The following KCNB2 variants were observed in gnomAD, a reference collection of about 807,000 sequenced individuals.
KCNB2 encodes the protein potassium voltage-gated channel subfamily B member 2, also known as delayed rectifier potassium channel protein.
In KCNB2, 15 loss-of-function variants were observed where a neutral mutation model predicts 61.5. That is an observed-to-expected ratio of 0.24 (90% CI 0.16 to 0.38). The LOEUF is 0.38. Ranked by LOEUF, KCNB2 falls within the 10% of genes least tolerant of loss-of-function variation. The pLI is 1.00. For missense variants in KCNB2, 828 were observed against 1,125.2 expected (o/e 0.74, Z 3.78); for synonymous variants, 457 against 446.0 (o/e 1.02, Z -0.31).
chr8:72,623,747 A>C (rs940975451), intron 2 of KCNB2, among the ~76,000 whole-genome samples: 2 of 152,204 alleles, frequency 1.3e-5, no homozygotes, highest in African/African-American at 4.8e-5. Flanking sequence ...ATTAATTCTC[A>C]TGACAACCAC....
At chr8:72,719,129 G>A (rs1807502259) in intron 2 of KCNB2, among the ~76,000 whole-genome samples, 1 of 151,870 alleles carries the variant, frequency 6.6e-6, no homozygotes, top group Non-Finnish European at 1.5e-5. Flanking sequence ...TTGCTGGTAA[G>A]TTAGACCTGG....
At chr8:72,687,815 T>C (rs1806875697) in intron 2 of KCNB2, among the ~76,000 whole-genome samples, 1 of 152,216 alleles carries the variant, frequency 6.6e-6, no homozygotes, top group Non-Finnish European at 1.5e-5. Context: ...ATAAGGTGCA[T>C]GATGCCTCCA....
intron 2 of KCNB2, among the ~76,000 whole-genome samples, chr8:72,829,237 C>A (rs2129001710): frequency 6.6e-6 from 1 of 152,284 alleles, no homozygotes; most frequent in Middle Eastern, 3.4e-3. Flanking sequence ...CACTGTCTTA[C>A]AGGACTTATG....
At chr8:72,572,578 C>A (rs1260166383) in intron 2 of KCNB2, among the ~76,000 whole-genome samples, 1 of 151,594 alleles carries the variant, frequency 6.6e-6, no homozygotes, top group Non-Finnish European at 1.5e-5. Flanking sequence ...CTGCGTCTCT[C>A]TCTCTCTCTC....
intron 2 of KCNB2, among the ~76,000 whole-genome samples, chr8:72,856,447 GA>G (rs1165442526): frequency 1.3e-5 from 2 of 151,910 alleles, no homozygotes; most frequent in Non-Finnish European, 1.5e-5. Flanking sequence ...CACAAAAAAA[GA>G]AAAAACCTGA....
At chr8:72,905,505 A>G (rs2129006928) in intron 2 of KCNB2, among the ~76,000 whole-genome samples, 1 of 149,786 alleles carries the variant, frequency 6.7e-6, no homozygotes, top group Non-Finnish European at 1.5e-5. Context: ...GGCATGAGGC[A>G]ATTTTATGAG....
At chr8:72,895,282 C>T (rs953151643) in intron 2 of KCNB2, among the ~76,000 whole-genome samples, 3 of 152,120 alleles carry the variant, frequency 2.0e-5, no homozygotes, top group Non-Finnish European at 2.9e-5. Context: ...AGGTGGGCCC[C>T]AGGTAATCAC....
At chr8:72,798,180 A>G (rs1366147409) in intron 2 of KCNB2, among the ~76,000 whole-genome samples, 1 of 152,008 alleles carries the variant, frequency 6.6e-6, no homozygotes, top group Non-Finnish European at 1.5e-5. Flanking sequence ...AATAGCCCCT[A>G]GTTTGAAAAT....
At chr8:72,911,626 T>C (rs970009185) in intron 2 of KCNB2, among the ~76,000 whole-genome samples, 2 of 152,198 alleles carry the variant, frequency 1.3e-5, no homozygotes, top group Non-Finnish European at 2.9e-5. Flanking sequence ...GCTGTCATGG[T>C]AGTCTCCAAT....
intron 2 of KCNB2, among the ~76,000 whole-genome samples, chr8:72,654,735 C>G (rs1806263710): frequency 6.6e-6 from 1 of 151,836 alleles, no homozygotes; most frequent in Non-Finnish European, 1.5e-5. Flanking sequence ...ACTAGTGAAC[C>G]TGAAAAAAGT....
intron 2 of KCNB2, among the ~76,000 whole-genome samples, chr8:72,821,339 A>G (rs1007082855): frequency 1.3e-5 from 2 of 152,176 alleles, no homozygotes; most frequent in African/African-American, 4.8e-5. Flanking sequence ...CTAACGCATG[A>G]CTAAAGAAGA....
At chr8:72,738,990 A>G (rs1044171451) in intron 2 of KCNB2, among the ~76,000 whole-genome samples, 2 of 152,190 alleles carry the variant, frequency 1.3e-5, no homozygotes, top group Non-Finnish European at 2.9e-5. Flanking sequence ...ACCATTTATT[A>G]GGATTAAAAG....
intron 2 of KCNB2, among the ~76,000 whole-genome samples, chr8:72,597,932 G>A (rs539372699): frequency 1.3e-5 from 2 of 152,256 alleles, no homozygotes; most frequent in South Asian, 4.1e-4. Context: ...ATTCCTCAAA[G>A]ACCTAAGAAC....
chr8:72,861,625 C>T (rs1805415833), intron 2 of KCNB2, among the ~76,000 whole-genome samples: 1 of 152,094 alleles, frequency 6.6e-6, no homozygotes, highest in Non-Finnish European at 1.5e-5. Flanking sequence ...CCTGGTGGGC[C>T]GCTCACCCAG....
intron 2 of KCNB2, among the ~76,000 whole-genome samples, chr8:72,861,046 A>G (rs915054256): frequency 1.3e-5 from 2 of 152,218 alleles, no homozygotes; most frequent in African/African-American, 4.8e-5. Context: ...GCTTAGAAGA[A>G]TCCACACCTT....
chr8:72,887,473 C>T (rs72653537), intron 2 of KCNB2, among the ~76,000 whole-genome samples: 9,535 of 152,210 alleles, frequency 0.063, 350 homozygotes, highest in South Asian at 0.096. Flanking sequence ...TTCAGATAAA[C>T]TCTGTACGAG....
intron 2 of KCNB2, among the ~76,000 whole-genome samples, chr8:72,883,285 G>A (rs763198457): frequency 1.3e-4 from 20 of 152,200 alleles, no homozygotes; most frequent in Non-Finnish European, 2.2e-4. Context: ...ATTTAATAGT[G>A]TGCCAGCCAC....
At position 72,721,829 on chromosome 8, in the gene KCNB2, T is replaced by C. The variant is rs1355075615; in HGVS notation, c.579+153516T>C. 3.9e-5 allele frequency among the ~76,000 whole-genome samples: 6 copies of C among 152,188 alleles called. No homozygotes were observed. The South Asian group carries it at 8.3e-4, about 21-fold the overall frequency. ...CTTCCTCTTTGACATAACTGGGCAA[T>C]AGAAACTTGAACCAATGGTTTCTGT... On this transcript the variant is annotated intron_variant, in intron 2 of 2. Coordinates refer to ENST00000523207, the MANE Select transcript of KCNB2 (RefSeq NM_004770.3).
At chr8:72,589,809 A>G (rs1807064738) in intron 2 of KCNB2, among the ~76,000 whole-genome samples, 1 of 152,206 alleles carries the variant, frequency 6.6e-6, no homozygotes, top group African/African-American at 2.4e-5. Context: ...TGTCTGAATC[A>G]CTAATAACAT....
Sources: gnomAD v4.1 joint callset for allele counts (sites outside exome capture counted in the v4.1 genomes callset) on GRCh38, gnomAD v4.1.1 for gene constraint, MANE v1.5 for transcripts, NCBI Gene and HGNC (gene_info 2026-07-23, HGNC 2026-07-21) for gene names.